Variants in KIF1B observed in about 807,000 individuals in gnomAD.
The protein encoded by KIF1B is kinesin family member 1B.
KIF1B carries 76 observed loss-of-function variants against 241.9 expected under a neutral mutation model. That is an observed-to-expected ratio of 0.31 (90% CI 0.26 to 0.38). The LOEUF is 0.38. KIF1B is among the 10% of genes least tolerant of loss of function. The pLI is 1.00. For synonymous variants in KIF1B, 750 were observed against 796.7 expected, an observed-to-expected ratio of 0.94 and a Z score of 0.99; for missense variants, 1,622 against 2,271.4, an observed-to-expected ratio of 0.71 and a Z score of 5.81.
intron 2 of KIF1B, among the ~76,000 whole-genome samples, chr1:10,244,951 C>CGGAA (rs1428281526): frequency 6.6e-6 from 1 of 152,138 alleles, no homozygotes; most frequent in Admixed American, 6.6e-5. Context: ...GCTTTTAGAG[C>CGGAA]GGAAGATTGT....
chr1:10,276,257 C>A, intron 11 of KIF1B, 64 bp from the exon 12 acceptor site: 1 of 1,012,632 alleles, frequency 9.9e-7, no homozygotes, highest in Non-Finnish European at 1.6e-6. Context: ...TCAGATTTGA[C>A]ACATTCCATA....
intron 2 of KIF1B, among the ~76,000 whole-genome samples, chr1:10,246,652 G>T (rs1647218042): frequency 6.6e-6 from 1 of 152,212 alleles, no homozygotes; most frequent in Non-Finnish European, 1.5e-5. Flanking sequence ...GCCGAGGCAG[G>T]AGGATCGCTT....
chr1:10,349,851 GAAAT>G (rs1244154207), intron 37 of KIF1B, among the ~76,000 whole-genome samples: 2 of 152,136 alleles, frequency 1.3e-5, no homozygotes, highest in African/African-American at 4.8e-5. Context: ...TCAAATGTGA[GAAAT>G]AAAGTATTTA....
chr1:10,354,337 G>T (rs1652902075), intron 38 of KIF1B, among the ~76,000 whole-genome samples: 2 of 152,114 alleles, frequency 1.3e-5, no homozygotes, highest in South Asian at 4.1e-4. Context: ...AGTTCTGATT[G>T]TCTTTCTTGC....
Position 10,374,929 on chromosome 1 carries a change from C to T in KIF1B, c.5172C>T (p.Val1724=), listed in dbSNP as rs1217853804. ...LYSNWAKHFV[V]VRRPYVFIYN... is the part of the protein sequence containing the mutation. ...GTAACTGGGCTAAACATTTTGTTGT[C>T]GTCCGTCGGCCTTATGTCTTCATCT... Residue 1724 remains valine, a synonymous_variant, in exon 47 of 49, where the codon GTC becomes GTT. Coordinates refer to ENST00000676179, the MANE Select transcript of KIF1B (RefSeq NM_001365951.3). The surrounding 1 kb of genome is among the most constrained non-coding windows in gnomAD (Gnocchi z 4.3). 7 of 1,613,854 alleles carry T rather than the reference C, an allele frequency of 4.3e-6. No homozygotes were observed. Among genetic ancestry groups the T allele is most frequent in the East Asian group, 2.2e-5 (1 of 44,892 alleles).
Position 10,378,429 on chromosome 1 carries a change from A to C in KIF1B, c.*1842A>C. The C allele has an allele frequency of 1.4e-6, 1 of 717,882 alleles. No homozygotes were observed. The highest frequency in any genetic ancestry group is 2.7e-5 in the East Asian group (1 of 37,298). The allele number at this position is 717,882 out of a possible 1,614,324, so 44.5% of individuals were successfully genotyped here. On this transcript the variant is annotated 3_prime_UTR_variant, in exon 49 of 49. Coordinates refer to ENST00000676179, the MANE Select transcript of KIF1B (RefSeq NM_001365951.3). ...TTTTCCAGGATGAGAGGGGAAAAAG[A>C]AAGCCTCCAGTGACTTCAGTTGCTT... is the stretch of plus-strand genomic sequence containing the variant.
chr1:10,336,614 T>A, intron 28 of KIF1B, 43 bp from the exon 29 acceptor site: 1 of 1,466,188 alleles, frequency 6.8e-7, no homozygotes, highest in Non-Finnish European at 9.6e-7. Context: ...CCTCCCCCTG[T>A]GTAGTCTCAC....
At chr1:10,347,889 A>C (rs1490301174) in intron 36 of KIF1B, 62 bp downstream of exon 36, 2 of 1,341,984 alleles carry the variant, frequency 1.5e-6, no homozygotes, top group Non-Finnish European at 2.1e-6. Context: ...AGAATAAGAG[A>C]CGGAATTCTT....
chr1:10,272,041 C>CT (rs1648829124), intron 8 of KIF1B, among the ~76,000 whole-genome samples, 200 bp from the exon 9 acceptor site: 1 of 152,174 alleles, frequency 6.6e-6, no homozygotes, highest in Non-Finnish European at 1.5e-5. Flanking sequence ...CTCGAAGATA[C>CT]TTCAGGACTG....
At chr1:10,331,752 C>T (rs1162882815) in intron 27 of KIF1B, among the ~76,000 whole-genome samples, 1 of 152,062 alleles carries the variant, frequency 6.6e-6, no homozygotes, top group East Asian at 1.9e-4. Context: ...GTCTTATGTT[C>T]GAAGATCAGC....
intron 12 of KIF1B, 95 bp downstream of exon 12, chr1:10,276,494 A>T: frequency 1.2e-6 from 1 of 807,192 alleles, no homozygotes. Flanking sequence ...CTGGGTAGTT[A>T]TTTATGTAAA....
chr1:10,286,798 C>T (rs868079560), intron 15 of KIF1B, among the ~76,000 whole-genome samples: 8 of 151,672 alleles, frequency 5.3e-5, no homozygotes, highest in Admixed American at 1.3e-4. Flanking sequence ...TGGCATTCCT[C>T]GGAGCTTAAA....
chr1:10,266,479 C>T (rs930090896), intron 5 of KIF1B, among the ~76,000 whole-genome samples: 1 of 152,190 alleles, frequency 6.6e-6, no homozygotes, highest in Non-Finnish European at 1.5e-5. Flanking sequence ...TTCTTTCTCC[C>T]TCACAAATCT....
chr1:10,272,502 G>C, intron 9 of KIF1B, 196 bp downstream of exon 9: 1 of 660,470 alleles, frequency 1.5e-6, no homozygotes, highest in Non-Finnish European at 2.8e-6. Flanking sequence ...AGATACTAAG[G>C]AGAACAAAAG....
chr1:10,366,844 GC>G (rs1383066039), intron 43 of KIF1B, among the ~76,000 whole-genome samples: 1 of 151,892 alleles, frequency 6.6e-6, no homozygotes, highest in Non-Finnish European at 1.5e-5. Flanking sequence ...GGTGGCGTGC[GC>G]CTGTAGTCCC....
intron 25 of KIF1B, 119 bp from the exon 26 acceptor site, chr1:10,324,639 A>C: frequency 1.7e-6 from 2 of 1,187,566 alleles, no homozygotes; most frequent in Non-Finnish European, 2.5e-6. Context: ...AACATTAAAC[A>C]GTGGGAGCAA....
intron 19 of KIF1B, 29 bp from the exon 20 acceptor site, chr1:10,296,553 T>TA (rs1650270157): frequency 1.3e-6 from 2 of 1,558,376 alleles, no homozygotes; most frequent in Admixed American, 1.7e-5. Context: ...TTTGTAATGA[T>TA]AACATTAGTT....
At chr1:10,334,028 G>A (rs1652064583) in intron 27 of KIF1B, among the ~76,000 whole-genome samples, 1 of 149,248 alleles carries the variant, frequency 6.7e-6, no homozygotes, top group African/African-American at 2.5e-5. Context: ...GCACGTGCCT[G>A]TAATCCCAGC....
chr1:10,331,458 G>A (rs921451058), intron 27 of KIF1B, among the ~76,000 whole-genome samples: 2 of 152,186 alleles, frequency 1.3e-5, no homozygotes, highest in African/African-American at 4.8e-5. Context: ...TGAAAGGGAA[G>A]TGGCATTATT....
Sources: allele counts gnomAD v4.1 joint callset (sites outside exome capture counted in the v4.1 genomes callset), GRCh38; gene constraint gnomAD v4.1.1; non-coding constraint Gnocchi (gnomAD v3.1); transcripts MANE v1.5; gene names NCBI Gene and HGNC (gene_info 2026-07-23, HGNC 2026-07-21).